The following FAM234B variants were observed in gnomAD, a reference collection of about 807,000 sequenced individuals.
The protein encoded by FAM234B is family with sequence similarity 234 member B.
Under a neutral mutation model 69.3 loss-of-function variants are expected in FAM234B, and 33 were observed. The observed-to-expected ratio is 0.48, with a 90% CI of 0.36 to 0.64. FAM234B has a LOEUF of 0.64. FAM234B is among the 30% of genes least tolerant of loss of function. The pLI is 0.00. For missense variants in FAM234B, 697 were observed against 769.7 expected (o/e 0.91, Z 1.12); for synonymous variants, 306 against 306.9 (o/e 1.00, Z 0.03).
chr12:13,049,818 T>C (rs1864855588), intron 1 of FAM234B, among the ~76,000 whole-genome samples: 1 of 152,248 alleles, frequency 6.6e-6, no homozygotes, highest in Non-Finnish European at 1.5e-5. Context: ...TTGTTTGTTA[T>C]GTTTCGTTGT....
intron 10 of FAM234B, among the ~76,000 whole-genome samples, chr12:13,071,791 C>T (rs1865109771): frequency 6.6e-6 from 1 of 152,092 alleles, no homozygotes; most frequent in African/African-American, 2.4e-5. Flanking sequence ...CTTTGAGGCA[C>T]ATGCCCTGAG....
In FAM234B at chr12:13,080,644, T is replaced by G. The variant is rs1865215196; in HGVS notation, c.*14T>G. ...CCATAGATCTAATCTGATGGAATCT[T>G]CAGTTGCAGAAGAAGTGAACAGAGT... On this transcript the variant is annotated 3_prime_UTR_variant, in exon 13 of 13. Transcript: ENST00000197268. 6.2e-7 allele frequency: 1 copy of G among 1,603,082 alleles called. No homozygotes were observed. The highest frequency in any genetic ancestry group is 1.1e-5 in the South Asian group (1 of 90,816).
intron 1 of FAM234B, among the ~76,000 whole-genome samples, chr12:13,051,794 G>C (rs911937670): frequency 5.9e-5 from 9 of 152,178 alleles, no homozygotes; most frequent in African/African-American, 1.4e-4. Flanking sequence ...TGAGAAGAGT[G>C]GGGGAGGGCA....
rs1193180269 is a variant in FAM234B, at chr12:13,083,078, T to A, written c.*2448T>A. 2 of 152,156 alleles carry A rather than the reference T, an allele frequency of 1.3e-5. No homozygotes were observed. Among genetic ancestry groups the A allele is most frequent in the African/African-American group, 4.8e-5 (2 of 41,420 alleles). 9.4% of individuals were successfully genotyped at this position (152,156 alleles called of 1,614,324 possible). On this transcript the variant is annotated 3_prime_UTR_variant, in exon 13 of 13. Transcript: ENST00000197268. ...GACCAATGTGGGTGCTGGTTTCTTG[T>A]GAAATGTGTCCCTAAGCCTCCTTCT...
Position 13,058,558 on chromosome 12 carries a change from C to G in FAM234B, c.532+9C>G, listed in dbSNP as rs562572419. 1.3e-6 allele frequency: 2 copies of G among 1,599,506 alleles called. No homozygotes were observed. The highest frequency in any genetic ancestry group is 1.5e-5 in the African/African-American group (1 of 68,770). ...GAACGGGAGTGCAGTAGGTAAGAGA[C>G]GTGTTTTTTTCAAGGCTGCTACAGG... is the stretch of plus-strand genomic sequence containing the variant. On this transcript the variant is annotated intron_variant, in intron 3 of 12. Coordinates refer to ENST00000197268, the MANE Select transcript of FAM234B (RefSeq NM_020853.2).
At chr12:13,064,583 C>T (rs1335718207) in intron 5 of FAM234B, among the ~76,000 whole-genome samples, 1 of 152,148 alleles carries the variant, frequency 6.6e-6, no homozygotes, top group Non-Finnish European at 1.5e-5. Context: ...TTGTGTTGGT[C>T]TCTACTCAGT....
In FAM234B at chr12:13,044,561, C is replaced by T. The variant is rs1864780947; in HGVS notation, c.37+121C>T. On this transcript the variant is annotated intron_variant, in intron 1 of 12. Coordinates refer to ENST00000197268, the MANE Select transcript of FAM234B (RefSeq NM_020853.2). This position sits in a 1 kb window ranked among gnomAD's most constrained non-coding sequence, Gnocchi z 5.6. ...CAACCCAGACTCAGCTGCAGGCGCC[C>T]GGTGCCGAGGAGGGTGCAGTCCCTT... The T allele has an allele frequency of 4.6e-6, 5 of 1,096,572 alleles. No individual in the cohort carries two copies. The highest frequency in any genetic ancestry group is 2.6e-5 in the East Asian group (1 of 38,330). The allele number at this position is 1,096,572 out of a possible 1,614,324, so 67.9% of individuals were successfully genotyped here.
At chr12:13,080,498 A>G in intron 12 of FAM234B, 127 bp from the exon 13 acceptor site, 1 of 711,032 alleles carries the variant, frequency 1.4e-6, no homozygotes, top group South Asian at 1.9e-5. Context: ...GGAAATGTTT[A>G]CAGACTATTG....
chr12:13,060,020 C>T (rs1311986119), intron 3 of FAM234B, among the ~76,000 whole-genome samples: 2 of 152,198 alleles, frequency 1.3e-5, no homozygotes, highest in South Asian at 4.1e-4. Flanking sequence ...TGTGTTAATA[C>T]ACCATTGTCA....
At chr12:13,053,570 A>T (rs963401698) in intron 1 of FAM234B, among the ~76,000 whole-genome samples, 7 of 152,104 alleles carry the variant, frequency 4.6e-5, no homozygotes, top group African/African-American at 1.7e-4. Context: ...TTAAAAGGGG[A>T]GGGGGTGTAG....
intron 8 of FAM234B, 85 bp from the exon 9 acceptor site, chr12:13,068,545 C>T: frequency 6.3e-7 from 1 of 1,578,516 alleles, no homozygotes; most frequent in Non-Finnish European, 8.7e-7. Context: ...ATATCTGGGG[C>T]CAGTGCAAGA....
chr12:13,070,186 T>G (rs1183251799), intron 9 of FAM234B, among the ~76,000 whole-genome samples: 3 of 84,928 alleles, frequency 3.5e-5, no homozygotes, highest in East Asian at 6.8e-4. Flanking sequence ...TATATATATA[T>G]ATATATATAT....
chr12:13,069,154 C>CAA (rs1199451309), intron 9 of FAM234B, among the ~76,000 whole-genome samples: 2 of 152,134 alleles, frequency 1.3e-5, no homozygotes, highest in Admixed American at 1.3e-4. Flanking sequence ...GACAGGAAAA[C>CAA]ATGCCAGGTC....
At chr12:13,056,004 A>T (rs1864927526) in intron 2 of FAM234B, 58 bp downstream of exon 2, 1 of 1,454,900 alleles carries the variant, frequency 6.9e-7, no homozygotes, top group East Asian at 2.4e-5. Context: ...GTCTGATTAC[A>T]TTTAAATTTT....
At chr12:13,072,983 G>C (rs1378304651) in intron 10 of FAM234B, among the ~76,000 whole-genome samples, 1 of 152,154 alleles carries the variant, frequency 6.6e-6, no homozygotes, top group Non-Finnish European at 1.5e-5. Context: ...GATGCCTCAT[G>C]ATTTCCCATT....
At chr12:13,051,287 G>C (rs959932059) in intron 1 of FAM234B, among the ~76,000 whole-genome samples, 3 of 152,156 alleles carry the variant, frequency 2.0e-5, no homozygotes, top group Non-Finnish European at 4.4e-5. Flanking sequence ...TGATAAAAAT[G>C]AATTTCCTTT....
Position 13,061,639 on chromosome 12 carries a change from T to C in FAM234B, c.597T>C (p.Ser199=). 1 of 1,614,090 alleles carries C rather than the reference T, an allele frequency of 6.2e-7. No homozygotes were observed. Among genetic ancestry groups the C allele is most frequent in the South Asian group, 1.1e-5 (1 of 91,068 alleles). Residue 199 remains serine, a synonymous_variant, in exon 4 of 13, where the codon TCT becomes TCC. Transcript: ENST00000197268. ...LSGMNGSTLW[S]SLLPEEARDI... Reference sequence around the variant, plus strand: ...GGATGAATGGCAGCACACTGTGGTCTAGTCTTCTCCCTGAGGAGGCTCGAG... The same window carrying C: ...GGATGAATGGCAGCACACTGTGGTCCAGTCTTCTCCCTGAGGAGGCTCGAG...
intron 12 of FAM234B, 76 bp from the exon 13 acceptor site, chr12:13,080,549 C>A: frequency 8.4e-7 from 1 of 1,188,560 alleles, no homozygotes; most frequent in Non-Finnish European, 1.3e-6. Flanking sequence ...AATATTCTGA[C>A]CTTTAGTTTT....
At chr12:13,063,989 A>C (rs1865011285) in intron 5 of FAM234B, among the ~76,000 whole-genome samples, 1 of 152,116 alleles carries the variant, frequency 6.6e-6, no homozygotes, top group Non-Finnish European at 1.5e-5. Context: ...CTGGAGGTGA[A>C]ATTATGTAGA....
Sources: gnomAD v4.1 joint callset for allele counts (sites outside exome capture counted in the v4.1 genomes callset) on GRCh38, gnomAD v4.1.1 for gene constraint, Gnocchi (gnomAD v3.1) non-coding constraint, MANE v1.5 for transcripts, NCBI Gene and HGNC (gene_info 2026-07-23, HGNC 2026-07-21) for gene names.